The following FRYL variants were observed in gnomAD, a reference collection of about 807,000 sequenced individuals.
FRYL encodes the protein FRY like transcription coactivator, also known as protein furry homolog-like.
A neutral mutation model predicts 351.2 loss-of-function variants in FRYL; 150 were observed. The observed-to-expected ratio is 0.43, with a 90% CI of 0.37 to 0.49. The LOEUF is 0.49. Ranked by LOEUF, FRYL falls within the 20% of genes least tolerant of loss-of-function variation. The pLI, the probability that FRYL is intolerant of heterozygous loss-of-function variation, is 0.00. For synonymous variants in FRYL, 1,153 were observed against 1,257.1 expected, an observed-to-expected ratio of 0.92 and a Z score of 1.75; for missense variants, 3,036 against 3,619.3, an observed-to-expected ratio of 0.84 and a Z score of 4.13.
Position 48,540,743 on chromosome 4 carries a change from G to A in FRYL, c.5905C>T (p.His1969Tyr), listed in dbSNP as rs1729972857. 4 of 1,613,968 alleles carry A rather than the reference G, an allele frequency of 2.5e-6. No homozygotes were observed. In the East Asian group the frequency reaches 6.7e-5, roughly 27 times the overall value. Residue 1969 changes from histidine (H) to tyrosine (Y), a missense_variant, in exon 46 of 64, where the codon CAT becomes TAT. His to Tyr is a moderately conservative substitution (Grantham distance 83). Transcript: ENST00000358350. Reference protein sequence around the residue: ...TLDIMDGRINHSSSLARTRSL... With the variant: ...TLDIMDGRINYSSSLARTRSL... ...CTAGTCCTTGCTAAACTACTGCTAT[G>A]GTTTATCCGTCCATCCATTATATCC...
Position 48,612,543 on chromosome 4 carries a change from G to A in FRYL, c.412-2720C>T, listed in dbSNP as rs1748442307. On this transcript the variant is annotated intron_variant, in intron 7 of 63. Coordinates refer to ENST00000358350, the MANE Select transcript of FRYL (RefSeq NM_015030.2). ...GTGTGTGTGACACCACATGCATACAGTTTTATTACAGTATATTGTTACAAC... is the reference window on the plus strand; with the variant it reads ...GTGTGTGTGACACCACATGCATACAATTTTATTACAGTATATTGTTACAAC... Among the ~76,000 whole-genome samples the A allele has an allele frequency of 2.6e-5, 4 of 151,298 alleles. No individual in the cohort carries two copies. The South Asian group carries it at 8.3e-4, about 32-fold the overall frequency.
intron 1 of FRYL, among the ~76,000 whole-genome samples, chr4:48,720,386 A>G (rs1195895757): frequency 6.6e-6 from 1 of 151,916 alleles, no homozygotes; most frequent in Non-Finnish European, 1.5e-5. Context: ...AATCCCAGCT[A>G]CTCAGAAGGC....
intron 13 of FRYL, among the ~76,000 whole-genome samples, chr4:48,600,152 T>C (rs1394625120): frequency 6.6e-6 from 1 of 152,094 alleles, no homozygotes; most frequent in Admixed American, 6.6e-5. Context: ...TGTTTAGGTT[T>C]TTAGTATCAA....
chr4:48,599,190 G>A (rs1334700671), intron 13 of FRYL, among the ~76,000 whole-genome samples: 1 of 151,890 alleles, frequency 6.6e-6, no homozygotes, highest in Non-Finnish European at 1.5e-5. Flanking sequence ...ATAGATTGTT[G>A]AAAAAAATCT....
chr4:48,655,130 G>C (rs186949931), intron 3 of FRYL, among the ~76,000 whole-genome samples: 1 of 152,208 alleles, frequency 6.6e-6, no homozygotes, highest in Non-Finnish European at 1.5e-5. Context: ...ATACATTATG[G>C]GAAATTCATT....
intron 2 of FRYL, among the ~76,000 whole-genome samples, chr4:48,700,657 C>G (rs1401842273): frequency 6.7e-6 from 1 of 149,602 alleles, no homozygotes; most frequent in Non-Finnish European, 1.5e-5. Flanking sequence ...AAAATCCTAG[C>G]CAGGCATGGT....
Position 48,551,572 on chromosome 4 carries a change from G to T in FRYL, c.4442C>A (p.Thr1481Asn). 13 of 1,602,864 alleles carry T rather than the reference G, an allele frequency of 8.1e-6. No homozygotes were observed. Among genetic ancestry groups the T allele is most frequent in the Non-Finnish European group, 1.1e-5 (13 of 1,170,290 alleles). ...AGCTACCATTGTATTGCTACTGGAA[G>T]TAGTTCCTGTAATCAAAGACAAAGC... Reference protein sequence around the residue: ...YKIPSVTSGTTSSSNTMVAPT... With the variant: ...YKIPSVTSGTNSSSNTMVAPT... Residue 1481 changes from threonine to asparagine, a missense_variant, in exon 37 of 64, where the codon ACT becomes AAT. By Grantham distance (65) the Thr-to-Asn change is moderately conservative (BLOSUM62 0). Around this residue, in one of 7 missense-constraint regions of FRYL, gnomAD observed 1,987 missense variants for 2,311.7 expected, o/e 0.86. Coordinates refer to ENST00000358350, the MANE Select transcript of FRYL (RefSeq NM_015030.2).
intron 16 of FRYL, 150 bp from the exon 17 acceptor site, chr4:48,590,980 C>G: frequency 1.6e-6 from 1 of 609,920 alleles, no homozygotes. Flanking sequence ...ACATTTTTAA[C>G]TAGCACAGGC....
chr4:48,634,353 G>A lies in FRYL; in HGVS notation c.58C>T (p.Leu20Phe). The A allele has an allele frequency of 1.2e-6, 2 of 1,613,600 alleles. No homozygotes were observed. Among genetic ancestry groups the A allele is most frequent in the Non-Finnish European group, 1.7e-6 (2 of 1,179,676 alleles). The change falls in exon 4 of 64, where the codon CTC becomes TTC. Residue 20 changes from leucine to phenylalanine, a missense_variant. Physicochemically the swap from Leu to Phe is conservative, Grantham distance 22 (BLOSUM62 0). This residue lies in a region of FRYL where 457 missense variants were observed against 566.6 expected (regional missense o/e 0.81). Coordinates refer to ENST00000358350, the MANE Select transcript of FRYL (RefSeq NM_015030.2). ...VKPGEYVIKS[L>F]FAEFAVQAEK... is the part of the protein sequence containing the mutation. Reference sequence around the variant, plus strand: ...GCTTGAACAGCAAATTCTGCAAAGAGGCTCTTGATGACATATTCACCAGGT... The same window carrying A: ...GCTTGAACAGCAAATTCTGCAAAGAAGCTCTTGATGACATATTCACCAGGT...
rs1026397265 is a variant in FRYL, at chr4:48,567,604, C to T, written c.2997-184G>A. ...TACTTTAATATGAAAATAGATGGTG[C>T]TTCTTAATCTAGGAACTGCTATTGC... On this transcript the variant is annotated intron_variant, in intron 27 of 63. Transcript: ENST00000358350. The surrounding 1 kb of genome is among the most constrained non-coding windows in gnomAD (Gnocchi z 4.2). Among the ~76,000 whole-genome samples the T allele has an allele frequency of 6.6e-6, 1 of 152,190 alleles. No homozygotes were observed. The highest frequency in any genetic ancestry group is 6.5e-5 in the Admixed American group (1 of 15,282).
rs182762603 is a variant in FRYL at position 48,726,256 on chromosome 4, A to G, written c.-383-15558T>C. Among the ~76,000 whole-genome samples, 215 of 152,360 alleles carry G rather than the reference A, an allele frequency of 1.4e-3. 1 individual carries two copies. Among genetic ancestry groups the G allele is most frequent in the African/African-American group, 4.6e-3 (191 of 41,588 alleles). On this transcript the variant is annotated intron_variant, in intron 1 of 63. Transcript: ENST00000358350. ...AAAAATAAAGATACAGAGGCCATTA[A>G]CAACATTATCCATTTTCCCTTCTCC...
chr4:48,604,326 A>T (rs150745289), intron 11 of FRYL, among the ~76,000 whole-genome samples: 1 of 152,362 alleles, frequency 6.6e-6, no homozygotes, highest in Non-Finnish European at 1.5e-5. Context: ...GCAAAGGCCT[A>T]GTATTATGGG....
At chr4:48,703,360 C>A (rs745310306) in intron 2 of FRYL, among the ~76,000 whole-genome samples, 25 of 152,320 alleles carry the variant, frequency 1.6e-4, no homozygotes, top group South Asian at 6.2e-4. Flanking sequence ...ACAATTACTA[C>A]AACAGTCTGC....
chr4:48,717,206 G>A (rs1259409321), intron 1 of FRYL, among the ~76,000 whole-genome samples: 3 of 151,012 alleles, frequency 2.0e-5, no homozygotes, highest in African/African-American at 7.3e-5. Flanking sequence ...GCACCAGCAT[G>A]GCACATGTAT....
chr4:48,681,263 CCAGT>C (rs1157367710), intron 3 of FRYL: 2 of 259,866 alleles, frequency 7.7e-6, no homozygotes, highest in Admixed American at 1.1e-4. Context: ...GTGCTAAACC[CCAGT>C]CAGTCAATTG....
intron 1 of FRYL, among the ~76,000 whole-genome samples, chr4:48,760,715 C>T (rs1182185079): frequency 6.6e-5 from 10 of 151,888 alleles, no homozygotes; most frequent in African/African-American, 1.7e-4. Flanking sequence ...CTCACTCTGT[C>T]GCCCAGGCTG....
intron 25 of FRYL, among the ~76,000 whole-genome samples, chr4:48,574,823 T>C (rs563876729): frequency 5.9e-5 from 9 of 152,260 alleles, no homozygotes; most frequent in African/African-American, 1.9e-4. Flanking sequence ...TAAATAAATA[T>C]AGTAGTAAAA....
At chr4:48,524,301 T>C (rs114762589) in intron 53 of FRYL, among the ~76,000 whole-genome samples, 187 of 152,194 alleles carry the variant, frequency 1.2e-3, no homozygotes, top group African/African-American at 4.5e-3. Flanking sequence ...ACTTGGCCCA[T>C]TGGATCTTTG....
At chr4:48,590,371 C>T (rs1436118597) in intron 17 of FRYL, among the ~76,000 whole-genome samples, 3 of 152,008 alleles carry the variant, frequency 2.0e-5, no homozygotes, top group Non-Finnish European at 4.4e-5. Context: ...GTGGTCCCAG[C>T]GACTTGGGAG....
Sources: gnomAD v4.1 joint callset for allele counts (sites outside exome capture counted in the v4.1 genomes callset) on GRCh38, gnomAD v4.1.1 for gene constraint, gnomAD v4.1.1 regional missense constraint, Gnocchi (gnomAD v3.1) non-coding constraint, MANE v1.5 for transcripts, NCBI Gene and HGNC (gene_info 2026-07-23, HGNC 2026-07-21) for gene names.